PIWIL2: variants seen among roughly 807,000 people sequenced by gnomAD.
PIWIL2 encodes piwi-like protein 2.
PIWIL2 carries 81 observed loss-of-function variants against 116.5 expected under a neutral mutation model. That is an observed-to-expected ratio of 0.70 (90% CI 0.58 to 0.84). The LOEUF is 0.84. Ranked by LOEUF, PIWIL2 falls within the 40% of genes least tolerant of loss-of-function variation. PIWIL2 has a pLI of 0.00. For synonymous variants in PIWIL2, 489 were observed against 429.5 expected, an observed-to-expected ratio of 1.14 and a Z score of -1.71; for missense variants, 1,272 against 1,212.3, an observed-to-expected ratio of 1.05 and a Z score of -0.73.
intron 4 of PIWIL2, 152 bp from the exon 5 acceptor site, chr8:22,282,882 G>A: frequency 1.5e-6 from 1 of 667,108 alleles, no homozygotes; most frequent in Non-Finnish European, 2.7e-6. Context: ...GAGCCACTGT[G>A]CCTGGCCTTG....
chr8:22,294,662 A>G (rs890417507), intron 10 of PIWIL2, among the ~76,000 whole-genome samples: 4 of 150,138 alleles, frequency 2.7e-5, no homozygotes, highest in East Asian at 2.0e-4. Context: ...AAAAAAAAAA[A>G]AAAAAAGAAA....
intron 20 of PIWIL2, among the ~76,000 whole-genome samples, chr8:22,337,351 A>G (rs1436557112): frequency 1.4e-4 from 22 of 152,222 alleles, no homozygotes; most frequent in Non-Finnish European, 1.5e-5. Context: ...ATTTCTGTAC[A>G]CTAGAATGAT....
Position 22,283,228 on chromosome 8 carries a change from A to C in PIWIL2, c.620A>C (p.Glu207Ala). The part of the protein sequence containing the change: ...SPDRPLVLTV[E>A]HKEKELIVKQ... ...GATCGCCCTCTGGTCCTGACTGTGG[A>C]ACACAAGGAAAAGTAAGTCAGGAGC... The change falls in exon 5 of 23, where the codon GAA becomes GCA. Residue 207 changes from glutamate to alanine, a missense_variant. Glu to Ala is a moderately radical substitution (Grantham distance 107). Transcript: ENST00000356766. 1 of 1,613,378 alleles carries C rather than the reference A, an allele frequency of 6.2e-7. No individual in the cohort carries two copies. The highest frequency in any genetic ancestry group is 8.5e-7 in the Non-Finnish European group (1 of 1,179,510).
At chr8:22,296,468 G>A (rs770058856) in intron 10 of PIWIL2, among the ~76,000 whole-genome samples, 8 of 152,122 alleles carry the variant, frequency 5.3e-5, no homozygotes, top group Non-Finnish European at 1.0e-4. Context: ...AGTATGCATT[G>A]GAGGAAATTA....
At position 22,353,540 on chromosome 8, in the gene PIWIL2, C is replaced by G. The variant is rs550554980; in HGVS notation, c.2657+328C>G. ...GTGTGTGCCTGTAATGCCAGCTACT[C>G]GGGAGGCTGAGACAGGAGAATCGCT... On this transcript the variant is annotated intron_variant, in intron 21 of 22. Coordinates refer to ENST00000356766, the MANE Select transcript of PIWIL2 (RefSeq NM_018068.5). 5.6e-4 allele frequency among the ~76,000 whole-genome samples: 85 copies of G among 152,026 alleles called. No homozygotes were observed. In the South Asian group the frequency reaches 0.018, roughly 32 times the overall value.
intron 20 of PIWIL2, among the ~76,000 whole-genome samples, chr8:22,329,881 A>C (rs1280856281): frequency 6.6e-6 from 1 of 152,186 alleles, no homozygotes; most frequent in Non-Finnish European, 1.5e-5. Flanking sequence ...GGATGAACCA[A>C]TAGGCTGGAG....
intron 20 of PIWIL2, among the ~76,000 whole-genome samples, chr8:22,339,686 A>G (rs964211037): frequency 1.3e-5 from 2 of 152,320 alleles, no homozygotes; most frequent in Non-Finnish European, 2.9e-5. Flanking sequence ...AAGAAAGTTA[A>G]AAGACAACGC....
chr8:22,352,816 G>C lies in PIWIL2; in HGVS notation c.2404-143G>C. 3 of 746,840 alleles carry C rather than the reference G, an allele frequency of 4.0e-6. No individual in the cohort carries two copies. In the South Asian group the frequency reaches 7.3e-5, roughly 18 times the overall value. The allele number at this position is 746,840 out of a possible 1,614,324, so 46.3% of individuals were successfully genotyped here. On this transcript the variant is annotated intron_variant, in intron 20 of 22. Transcript: ENST00000356766. ...AAATGATTAGAAGCTTTTTTTCCCT[G>C]CCCTCTAGGCACAGTAGCTTTGGCA...
chr8:22,286,597 C>G (rs1013568856), intron 6 of PIWIL2, among the ~76,000 whole-genome samples: 1 of 152,014 alleles, frequency 6.6e-6, no homozygotes, highest in Non-Finnish European at 1.5e-5. Flanking sequence ...TCCAGACTGT[C>G]TTAGGTAACA....
At chr8:22,286,658 G>C (rs939517745) in intron 6 of PIWIL2, among the ~76,000 whole-genome samples, 1 of 152,116 alleles carries the variant, frequency 6.6e-6, no homozygotes, top group Non-Finnish European at 1.5e-5. Context: ...GTCTCACTCT[G>C]TTGCGCAGGC....
chr8:22,330,120 T>C (rs1213105238), intron 20 of PIWIL2, among the ~76,000 whole-genome samples: 1 of 152,110 alleles, frequency 6.6e-6, no homozygotes, highest in Non-Finnish European at 1.5e-5. Context: ...TCAGAGGCTG[T>C]CTTCATTTTT....
intron 20 of PIWIL2, among the ~76,000 whole-genome samples, chr8:22,345,545 T>C (rs1832207799): frequency 6.6e-6 from 1 of 152,070 alleles, no homozygotes; most frequent in Non-Finnish European, 1.5e-5. Flanking sequence ...GCACCTGTAA[T>C]CCCAGCTACT....
Position 22,355,589 on chromosome 8 carries a change from A to C in PIWIL2, c.*84A>C. 8.0e-7 allele frequency: 1 copy of C among 1,247,918 alleles called. No individual in the cohort carries two copies. Among genetic ancestry groups the C allele is most frequent in the Non-Finnish European group, 1.1e-6 (1 of 877,878 alleles). 77.3% of individuals were successfully genotyped at this position (1,247,918 alleles called of 1,614,324 possible). Reference sequence around the variant, plus strand: ...CTCTTGCAGAATCAACAGAGACTGAAGTGGGCTTTTGTGTTATAATTTTCC... The same window carrying C: ...CTCTTGCAGAATCAACAGAGACTGACGTGGGCTTTTGTGTTATAATTTTCC... On this transcript the variant is annotated 3_prime_UTR_variant, in exon 23 of 23. Transcript: ENST00000356766.
chr8:22,341,673 A>G (rs1392250804), intron 20 of PIWIL2, among the ~76,000 whole-genome samples: 1 of 152,076 alleles, frequency 6.6e-6, no homozygotes, highest in Admixed American at 6.6e-5. Context: ...AAAATCTACA[A>G]AAAAGCTACA....
chr8:22,296,188 T>C (rs1339708621), intron 10 of PIWIL2, among the ~76,000 whole-genome samples: 10 of 152,108 alleles, frequency 6.6e-5, no homozygotes, highest in Admixed American at 6.6e-4. Context: ...CCTGAGTAGC[T>C]GGGACTACAG....
At chr8:22,326,153 G>T (rs766868822) in intron 20 of PIWIL2, among the ~76,000 whole-genome samples, 1 of 151,742 alleles carries the variant, frequency 6.6e-6, no homozygotes, top group African/African-American at 2.4e-5. Context: ...AGTTCCCCTC[G>T]CCTTCCCAGC....
At chr8:22,318,474 C>A (rs115124457) in intron 20 of PIWIL2, among the ~76,000 whole-genome samples, 199 bp downstream of exon 20, 188 of 152,222 alleles carry the variant, frequency 1.2e-3, no homozygotes, top group African/African-American at 4.4e-3. Flanking sequence ...TGCACCAGCA[C>A]GTCCAGTTAA....
intron 11 of PIWIL2, 85 bp from the exon 12 acceptor site, chr8:22,304,699 G>A: frequency 3.9e-6 from 3 of 776,160 alleles, no homozygotes; most frequent in Non-Finnish European, 7.0e-6. Flanking sequence ...ATATACCTCA[G>A]TCCTGGTTAA....
intron 20 of PIWIL2, among the ~76,000 whole-genome samples, chr8:22,319,235 T>C (rs1168155623): frequency 6.6e-6 from 1 of 152,246 alleles, no homozygotes; most frequent in East Asian, 1.9e-4. Context: ...CCACCTTGTC[T>C]CTTTATAGAA....
Sources: allele counts gnomAD v4.1 joint callset (sites outside exome capture counted in the v4.1 genomes callset), GRCh38; gene constraint gnomAD v4.1.1; transcripts MANE v1.5; gene names NCBI Gene and HGNC (gene_info 2026-07-23, HGNC 2026-07-21).